ABCA13: variants seen among roughly 807,000 people sequenced by gnomAD.
The protein encoded by ABCA13 is ATP-binding cassette sub-family A member 13.
ABCA13 carries 476 observed loss-of-function variants against 478.7 expected under a neutral mutation model. The ratio of observed to expected loss-of-function variants is 0.99; its 90% CI spans 0.92 to 1.07. ABCA13 has a LOEUF of 1.07. Among genes scored for constraint, ABCA13 ranks in the 50% least tolerant of loss-of-function variants. The pLI is 0.00. For missense variants in ABCA13, 6,060 were observed against 5,910.6 expected, an observed-to-expected ratio of 1.03 and a Z score of -0.83; for synonymous variants, 2,252 against 2,158.9, an observed-to-expected ratio of 1.04 and a Z score of -1.20.
At chr7:48,594,460 G>C (rs1790078444) in intron 57 of ABCA13, among the ~76,000 whole-genome samples, 1 of 151,732 alleles carries the variant, frequency 6.6e-6, no homozygotes, top group Admixed American at 6.6e-5. Flanking sequence ...TGGATGAGGT[G>C]AGAAAGAAGT....
At chr7:48,290,645 T>C (rs920971174) in intron 20 of ABCA13, among the ~76,000 whole-genome samples, 4 of 152,216 alleles carry the variant, frequency 2.6e-5, no homozygotes, top group African/African-American at 4.8e-5. Flanking sequence ...AGGAATATTA[T>C]AAATGCATTG....
chr7:48,414,847 C>T (rs1371699053), intron 41 of ABCA13, among the ~76,000 whole-genome samples: 1 of 152,092 alleles, frequency 6.6e-6, no homozygotes, highest in Non-Finnish European at 1.5e-5. Context: ...GATTAAATGC[C>T]TGGAACAAGT....
intron 55 of ABCA13, among the ~76,000 whole-genome samples, chr7:48,548,229 G>A (rs68007434): frequency 0.14 from 21,309 of 151,684 alleles, 2,074 homozygotes; most frequent in African/African-American, 0.23. Flanking sequence ...TTCCTATCCC[G>A]ATATGCCACT....
intron 42 of ABCA13, among the ~76,000 whole-genome samples, chr7:48,438,196 A>G (rs1160411745): frequency 2.0e-5 from 3 of 152,124 alleles, no homozygotes; most frequent in Admixed American, 6.6e-5. Flanking sequence ...TTCTGCCCTG[A>G]AGGAGAGATC....
At chr7:48,389,616 GCAAA>G (rs1248956651) in intron 37 of ABCA13, among the ~76,000 whole-genome samples, 13 of 152,142 alleles carry the variant, frequency 8.5e-5, no homozygotes, top group Non-Finnish European at 1.3e-4. Context: ...AGTGGTACTT[GCAAA>G]TTTTTTAAAC....
chr7:48,595,994 G>A (rs1790246870), intron 58 of ABCA13, among the ~76,000 whole-genome samples: 1 of 152,182 alleles, frequency 6.6e-6, no homozygotes, highest in African/African-American at 2.4e-5. Context: ...CCTATCATTT[G>A]AAACGTGAGA....
chr7:48,289,236 A>C (rs1798172460), intron 20 of ABCA13, among the ~76,000 whole-genome samples: 1 of 151,852 alleles, frequency 6.6e-6, no homozygotes, highest in African/African-American at 2.4e-5. Context: ...CCTAGCAATG[A>C]TTGACTTTAC....
In ABCA13 at chr7:48,625,364, A is replaced by C. The variant is rs193151458; in HGVS notation, c.14837+9987A>C. 9.8e-5 allele frequency among the ~76,000 whole-genome samples: 15 copies of C among 152,360 alleles called. No individual in the cohort carries two copies. In the East Asian group the frequency reaches 2.9e-3, roughly 29 times the overall value. On this transcript the variant is annotated intron_variant, in intron 59 of 61. Coordinates refer to ENST00000435803, the MANE Select transcript of ABCA13 (RefSeq NM_152701.5). ...TTCACAAATGGGGAAGGAAGTTTGC[A>C]CATGAGCACAAAAATAATTTCTGCC...
chr7:48,188,251 A>C (rs184348058), intron 1 of ABCA13, among the ~76,000 whole-genome samples: 49 of 152,258 alleles, frequency 3.2e-4, no homozygotes, highest in African/African-American at 1.1e-3. Context: ...TGTTCAGTTC[A>C]TTTTGTGGAA....
chr7:48,191,773 T>A (rs928700820), intron 1 of ABCA13, among the ~76,000 whole-genome samples: 1 of 152,216 alleles, frequency 6.6e-6, no homozygotes, highest in Non-Finnish European at 1.5e-5. Context: ...ACACCTGTGT[T>A]TTGTCTTCAT....
At chr7:48,241,246 C>T (rs181891671) in intron 10 of ABCA13, among the ~76,000 whole-genome samples, 180 bp downstream of exon 10, 3 of 152,170 alleles carry the variant, frequency 2.0e-5, no homozygotes, top group East Asian at 1.9e-4. Flanking sequence ...GAAGTCTTGG[C>T]AGCACTCTGG....
chr7:48,479,802 C>G (rs1246648575), intron 45 of ABCA13, among the ~76,000 whole-genome samples: 1 of 152,134 alleles, frequency 6.6e-6, no homozygotes, highest in Non-Finnish European at 1.5e-5. Flanking sequence ...TTTCAAGACC[C>G]TGAAAGTAGT....
At chr7:48,487,246 GT>G (rs1829393968) in intron 47 of ABCA13, among the ~76,000 whole-genome samples, 1 of 151,268 alleles carries the variant, frequency 6.6e-6, no homozygotes, top group African/African-American at 2.4e-5. Flanking sequence ...GGAGGCAGAT[GT>G]TGCAGTGAGC....
At chr7:48,311,958 CAG>C (rs2128884118) in intron 24 of ABCA13, among the ~76,000 whole-genome samples, 1 of 152,272 alleles carries the variant, frequency 6.6e-6, no homozygotes, top group Non-Finnish European at 1.5e-5. Flanking sequence ...CACCATAAGT[CAG>C]GGGCCAGTCA....
rs1047033325 is a variant in ABCA13 at position 48,282,594 on chromosome 7, G to A, written c.8836+1142G>A. Among the ~76,000 whole-genome samples the A allele has an allele frequency of 2.0e-4, 30 of 152,208 alleles. 1 individual carries two copies. The highest frequency in any genetic ancestry group is 2.9e-4 in the African/African-American group (12 of 41,518). On this transcript the variant is annotated intron_variant, in intron 19 of 61. Transcript: ENST00000435803. Reference sequence around the variant, plus strand: ...AGGGCTTACTCCATATCCTGGCCCCGGACTCCCTGCCCCCTAGCTCATCTG... The same window carrying A: ...AGGGCTTACTCCATATCCTGGCCCCAGACTCCCTGCCCCCTAGCTCATCTG...
At chr7:48,416,616 C>A (rs1490189705) in intron 41 of ABCA13, among the ~76,000 whole-genome samples, 2 of 152,142 alleles carry the variant, frequency 1.3e-5, no homozygotes, top group African/African-American at 4.8e-5. Context: ...TAGGGACTTG[C>A]ATGAGATGCC....
At chr7:48,247,595 G>C (rs1460021463) in intron 13 of ABCA13, among the ~76,000 whole-genome samples, 1 of 152,064 alleles carries the variant, frequency 6.6e-6, no homozygotes, top group Non-Finnish European at 1.5e-5. Context: ...TGGTCTTACT[G>C]GGCATCATTC....
At chr7:48,611,122 T>G (rs1791985607) in intron 58 of ABCA13, among the ~76,000 whole-genome samples, 1 of 152,230 alleles carries the variant, frequency 6.6e-6, no homozygotes, top group African/African-American at 2.4e-5. Context: ...GTTTCCCTTT[T>G]AAATAAAAAT....
Position 48,511,067 on chromosome 7 carries a change from TC to T in ABCA13, c.13525-16del. 6.3e-7 allele frequency: 1 copy of T among 1,599,236 alleles called. No homozygotes were observed. Among genetic ancestry groups the T allele is most frequent in the Non-Finnish European group, 8.6e-7 (1 of 1,166,738 alleles). On this transcript the variant is annotated splice_polypyrimidine_tract_variant and intron_variant, in intron 50 of 61. Coordinates refer to ENST00000435803, the MANE Select transcript of ABCA13 (RefSeq NM_152701.5). Reference sequence around the variant, plus strand: ...TCTGATGTAACAGCTCTCCCTTATTTCTTTTTATCTTCTCAGCTCTTTTACT... The same window carrying T: ...TCTGATGTAACAGCTCTCCCTTATTTTTTTTATCTTCTCAGCTCTTTTACT...
Sources: gnomAD v4.1 joint callset for allele counts (sites outside exome capture counted in the v4.1 genomes callset) on GRCh38, gnomAD v4.1.1 for gene constraint, MANE v1.5 for transcripts, NCBI Gene and HGNC (gene_info 2026-07-23, HGNC 2026-07-21) for gene names.